NEGR1: variants seen among roughly 807,000 people sequenced by gnomAD.
NEGR1 encodes neuronal growth regulator 1, also known as IgLON family member 4.
In NEGR1, 10 loss-of-function variants were observed where a neutral mutation model predicts 40.9. The ratio of observed to expected loss-of-function variants is 0.24; its 90% CI spans 0.15 to 0.42. The LOEUF is 0.42. NEGR1 is among the 10% of genes least tolerant of loss of function. The probability of loss-of-function intolerance (pLI) is 1.00; values close to 1 mark genes in which losing one functional copy is unlikely to be tolerated. For synonymous variants in NEGR1, 185 were observed against 166.8 expected (o/e 1.11, Z -0.84); for missense variants, 352 against 438.9 (o/e 0.80, Z 1.77).
intron 1 of NEGR1, among the ~76,000 whole-genome samples, chr1:72,271,292 C>T (rs966261640): frequency 6.6e-6 from 1 of 151,832 alleles, no homozygotes; most frequent in Non-Finnish European, 1.5e-5. Flanking sequence ...AATCCCTCAA[C>T]GATGTGAATA....
rs1458996060 is a variant in NEGR1, at chr1:71,590,978, T to C, written c.940+1839A>G. Among the ~76,000 whole-genome samples the C allele has an allele frequency of 3.3e-5, 5 of 152,170 alleles. No homozygotes were observed. In the East Asian group the frequency reaches 5.8e-4, roughly 18 times the overall value. On this transcript the variant is annotated intron_variant, in intron 6 of 6. Coordinates refer to ENST00000357731, the MANE Select transcript of NEGR1 (RefSeq NM_173808.3). ...TAACTAATCAGACATAGATCCTGTC[T>C]TTTTAAAGAACTTATAATTTGATGG...
intron 1 of NEGR1, among the ~76,000 whole-genome samples, chr1:72,080,648 C>T (rs746400021): frequency 2.6e-5 from 4 of 152,020 alleles, no homozygotes; most frequent in Admixed American, 2.0e-4. Flanking sequence ...TAGTATTATA[C>T]ACCTGGAGTT....
intron 1 of NEGR1, among the ~76,000 whole-genome samples, chr1:72,078,781 A>T (rs1189934176): frequency 6.6e-6 from 1 of 151,072 alleles, no homozygotes; most frequent in Admixed American, 6.6e-5. Context: ...CTGGGATTAC[A>T]GGTGCCCACC....
chr1:71,870,578 G>A (rs1298098374), intron 2 of NEGR1, among the ~76,000 whole-genome samples: 2 of 152,164 alleles, frequency 1.3e-5, no homozygotes, highest in Admixed American at 6.5e-5. Flanking sequence ...GGTGGGGAGT[G>A]CAGTTAAGTA....
chr1:72,063,939 A>C (rs1003608779), intron 1 of NEGR1, among the ~76,000 whole-genome samples: 1 of 151,952 alleles, frequency 6.6e-6, no homozygotes, highest in Non-Finnish European at 1.5e-5. Flanking sequence ...GACAGCTTCC[A>C]TCCCGTAAAA....
chr1:71,937,844 A>G (rs1049847078), intron 1 of NEGR1, among the ~76,000 whole-genome samples: 2 of 152,092 alleles, frequency 1.3e-5, no homozygotes, highest in Non-Finnish European at 2.9e-5. Context: ...AGAATGCTCT[A>G]TTGGGCATTT....
At chr1:71,830,821 G>A (rs1297668225) in intron 2 of NEGR1, among the ~76,000 whole-genome samples, 1 of 151,684 alleles carries the variant, frequency 6.6e-6, no homozygotes, top group African/African-American at 2.4e-5. Flanking sequence ...TATTCACTTA[G>A]TATTCATTAC....
At chr1:71,880,704 C>A (rs1389130056) in intron 2 of NEGR1, among the ~76,000 whole-genome samples, 1 of 152,000 alleles carries the variant, frequency 6.6e-6, no homozygotes, top group Non-Finnish European at 1.5e-5. Context: ...GCCTTCAATT[C>A]TGACTGTATG....
In NEGR1 at chr1:72,202,722, G is replaced by A. The variant is rs546420003; in HGVS notation, c.176+79597C>T. Among the ~76,000 whole-genome samples, 278 of 152,112 alleles carry A rather than the reference G, an allele frequency of 1.8e-3. 3 individuals carry two copies. Among genetic ancestry groups the A allele is most frequent in the African/African-American group, 6.5e-3 (272 of 41,532 alleles). ...CTAGAACTTTCATAGCTAAAGAAGAGAAGTCAATGCCAGGCAACAAAGCTT... is the reference window on the plus strand; with the variant it reads ...CTAGAACTTTCATAGCTAAAGAAGAAAAGTCAATGCCAGGCAACAAAGCTT... On this transcript the variant is annotated intron_variant, in intron 1 of 6. Transcript: ENST00000357731.
intron 1 of NEGR1, among the ~76,000 whole-genome samples, chr1:71,953,580 A>C (rs74751806): frequency 0.023 from 3,499 of 152,108 alleles, 124 homozygotes; most frequent in African/African-American, 0.079. Context: ...TGAAAGTTCT[A>C]TTGTGGGTAT....
intron 6 of NEGR1, among the ~76,000 whole-genome samples, chr1:71,542,718 G>C (rs542032976): frequency 6.6e-6 from 1 of 151,824 alleles, no homozygotes; most frequent in Admixed American, 6.6e-5. Flanking sequence ...AAATCAGCAA[G>C]AGCCAAGTGT....
At chr1:71,495,266 G>A (rs563676696) in intron 6 of NEGR1, among the ~76,000 whole-genome samples, 33 of 152,060 alleles carry the variant, frequency 2.2e-4, no homozygotes, top group Non-Finnish European at 4.7e-4. Context: ...ATCACTTGAG[G>A]TCAGGAGTTT....
At chr1:71,803,352 A>C (rs923627554) in intron 2 of NEGR1, among the ~76,000 whole-genome samples, 43 of 152,126 alleles carry the variant, frequency 2.8e-4, no homozygotes, top group African/African-American at 1.0e-3. Flanking sequence ...GTCCTATAAA[A>C]ATAACTATCT....
chr1:71,408,620 C>A (rs1646295248), intron 6 of NEGR1: 1 of 151,882 alleles, frequency 6.6e-6, no homozygotes. Flanking sequence ...TTAAATGTTA[C>A]AGCCGTGCTT....
chr1:71,992,530 T>C (rs1350848038), intron 1 of NEGR1, among the ~76,000 whole-genome samples: 2 of 119,276 alleles, frequency 1.7e-5, no homozygotes, highest in Non-Finnish European at 1.9e-5. Flanking sequence ...ATGTAATTTA[T>C]CTATCTCAAT....
At chr1:71,918,435 A>G (rs973894806) in intron 2 of NEGR1, among the ~76,000 whole-genome samples, 1 of 151,872 alleles carries the variant, frequency 6.6e-6, no homozygotes, top group Non-Finnish European at 1.5e-5. Context: ...ACTCTCCATG[A>G]GAGATGGATG....
intron 1 of NEGR1, among the ~76,000 whole-genome samples, chr1:72,010,470 T>C (rs941364366): frequency 2.6e-5 from 4 of 152,188 alleles, no homozygotes; most frequent in African/African-American, 9.7e-5. Flanking sequence ...TTCCTCCTTC[T>C]GTTCACTAAA....
chr1:71,671,893 CTTTT>C (rs10708807), intron 4 of NEGR1, among the ~76,000 whole-genome samples: 14 of 121,572 alleles, frequency 1.2e-4, no homozygotes, highest in East Asian at 2.4e-4. Context: ...CTCTCTCTCT[CTTTT>C]TTTTTTTTTT....
intron 2 of NEGR1, among the ~76,000 whole-genome samples, chr1:71,828,468 T>G (rs970891462): frequency 6.6e-6 from 1 of 151,918 alleles, no homozygotes; most frequent in Non-Finnish European, 1.5e-5. Context: ...CTATATAGGT[T>G]TTTGACCTTT....
Sources: allele counts gnomAD v4.1 joint callset (sites outside exome capture counted in the v4.1 genomes callset), GRCh38; gene constraint gnomAD v4.1.1; transcripts MANE v1.5; gene names NCBI Gene and HGNC (gene_info 2026-07-23, HGNC 2026-07-21).